MMP20: variants seen among roughly 807,000 people sequenced by gnomAD.
The protein encoded by MMP20 is matrix metalloproteinase-20.
Under a neutral mutation model 51.8 loss-of-function variants are expected in MMP20, and 50 were observed. The observed-to-expected ratio is 0.97, with a 90% CI of 0.77 to 1.22. The LOEUF is 1.22. MMP20 is among the 50% of genes most tolerant of loss of function. The probability of loss-of-function intolerance (pLI) is 0.00; values close to 1 mark genes in which losing one functional copy is unlikely to be tolerated. For missense variants in MMP20, 663 were observed against 601.4 expected (o/e 1.10, Z -1.07); for synonymous variants, 244 against 216.2 (o/e 1.13, Z -1.13).
intron 2 of MMP20, among the ~76,000 whole-genome samples, chr11:102,612,698 A>G (rs576441160): frequency 6.1e-4 from 92 of 150,454 alleles, no homozygotes; most frequent in African/African-American, 2.2e-3. Context: ...TTTTTCCCTC[A>G]GAATAATGCA....
chr11:102,606,605 G>C lies in MMP20; in HGVS notation c.883C>G (p.Leu295Val), dbSNP rs146876571. 2.3e-4 allele frequency: 379 copies of C among 1,614,110 alleles called. No homozygotes were observed. Among genetic ancestry groups the C allele is most frequent in the Admixed American group, 2.7e-4 (16 of 60,016 alleles). ...TCAAAGGATGAGCTGGAGTCACAGA[G>C]GTCAGGGATGGATGGCTTGTGATGG... The part of the protein sequence containing the change: ...APHHKPSIPD[L>V]CDSSSSFDAV... The change falls in exon 6 of 10, where the codon CTC becomes GTC. Residue 295 changes from leucine to valine, a missense_variant. Transcript: ENST00000260228.
chr11:102,620,713 G>A (rs1711407), intron 1 of MMP20, among the ~76,000 whole-genome samples: 112,812 of 152,002 alleles, frequency 0.74, 42,172 homozygotes, highest in East Asian at 0.92. Flanking sequence ...TACGCTCCAG[G>A]ACAGGGTGAA....
chr11:102,599,256 G>T (rs1468834004), intron 6 of MMP20, among the ~76,000 whole-genome samples: 2 of 152,106 alleles, frequency 1.3e-5, no homozygotes, highest in East Asian at 3.9e-4. Context: ...CTGACCTCAA[G>T]TGATCTGCCT....
intron 8 of MMP20, among the ~76,000 whole-genome samples, chr11:102,591,669 A>C (rs895304345): frequency 6.6e-6 from 1 of 152,320 alleles, no homozygotes; most frequent in South Asian, 2.1e-4. Context: ...CTTTTCGGTG[A>C]ATCTATTTAT....
intron 8 of MMP20, among the ~76,000 whole-genome samples, chr11:102,588,852 CT>C (rs1794816814): frequency 6.7e-6 from 1 of 149,520 alleles, no homozygotes. Context: ...AAAGATAACT[CT>C]AGTGGATATA....
intron 6 of MMP20, among the ~76,000 whole-genome samples, chr11:102,604,741 A>G (rs1261648726): frequency 1.3e-5 from 2 of 152,250 alleles, no homozygotes; most frequent in East Asian, 1.9e-4. Flanking sequence ...AAGTAATGAT[A>G]TATCTATTCA....
In MMP20 at chr11:102,583,318, A is replaced by G. The variant is rs1310054449; in HGVS notation, c.1248-4176T>C. The G allele has an allele frequency of 2.6e-5, 4 of 152,162 alleles. No individual in the cohort carries two copies. In the South Asian group the frequency reaches 6.2e-4, roughly 24 times the overall value. The allele number at this position is 152,162 out of a possible 1,614,324, so 9.4% of individuals were successfully genotyped here. The stretch of plus-strand genomic sequence containing the variant: ...AATAGTTCTCTCTCTTATTTAAACA[A>G]TTCAGTGGTTTTTTAGTGCACAGTC... On this transcript the variant is annotated intron_variant, in intron 8 of 9. Coordinates refer to ENST00000260228, the MANE Select transcript of MMP20 (RefSeq NM_004771.4).
chr11:102,594,473 AG>A, intron 7 of MMP20, 147 bp downstream of exon 7: 1 of 960,440 alleles, frequency 1.0e-6, no homozygotes, highest in Non-Finnish European at 1.6e-6. Context: ...TAACAAATGT[AG>A]GGTGGCATTT....
intron 2 of MMP20, among the ~76,000 whole-genome samples, chr11:102,615,066 T>A (rs921483349): frequency 6.8e-6 from 1 of 147,796 alleles, no homozygotes; most frequent in Non-Finnish European, 1.5e-5. Flanking sequence ...AATGTAATTA[T>A]TTAATATAAT....
At chr11:102,592,057 G>A (rs535184626) in intron 8 of MMP20, among the ~76,000 whole-genome samples, 65 of 152,254 alleles carry the variant, frequency 4.3e-4, no homozygotes, top group African/African-American at 6.3e-4. Context: ...TCCAACAGAC[G>A]TGCTTACACA....
intron 8 of MMP20, among the ~76,000 whole-genome samples, chr11:102,591,003 A>G (rs1859310771): frequency 6.6e-6 from 1 of 152,228 alleles, no homozygotes; most frequent in Admixed American, 6.5e-5. Flanking sequence ...CACATATGAG[A>G]AAAACAAACC....
At chr11:102,597,582 C>T (rs1452529466) in intron 6 of MMP20, among the ~76,000 whole-genome samples, 1 of 152,072 alleles carries the variant, frequency 6.6e-6, no homozygotes, top group Admixed American at 6.6e-5. Context: ...CCAGGGATGC[C>T]ACTAAACATC....
At chr11:102,606,756 G>C in intron 5 of MMP20, 80 bp from the exon 6 acceptor site, 1 of 1,528,784 alleles carries the variant, frequency 6.5e-7, no homozygotes, top group Non-Finnish European at 9.1e-7. Context: ...CCCAGGGGAG[G>C]TTGTACACTT....
intron 2 of MMP20, among the ~76,000 whole-genome samples, chr11:102,615,236 T>C (rs1227889885): frequency 6.8e-6 from 1 of 147,440 alleles, no homozygotes; most frequent in African/African-American, 2.5e-5. Flanking sequence ...AAAATATATT[T>C]TAATAATAAA....
At chr11:102,588,732 C>T (rs897160127) in intron 8 of MMP20, among the ~76,000 whole-genome samples, 15 of 152,196 alleles carry the variant, frequency 9.9e-5, no homozygotes, top group African/African-American at 3.6e-4. Flanking sequence ...AGCTCACTTG[C>T]TTTCAGCCTA....
At chr11:102,602,700 T>C (rs1859463230) in intron 6 of MMP20, among the ~76,000 whole-genome samples, 1 of 152,194 alleles carries the variant, frequency 6.6e-6, no homozygotes, top group African/African-American at 2.4e-5. Flanking sequence ...ATTTTCCTTA[T>C]CTCTACACTG....
intron 6 of MMP20, among the ~76,000 whole-genome samples, chr11:102,595,876 A>G (rs537853137): frequency 6.6e-6 from 1 of 152,372 alleles, no homozygotes; most frequent in African/African-American, 2.4e-5. Flanking sequence ...GGAGCCCAGA[A>G]TTACTTCACA....
chr11:102,612,356 T>C (rs904397782), intron 2 of MMP20, among the ~76,000 whole-genome samples: 4 of 152,122 alleles, frequency 2.6e-5, no homozygotes, highest in South Asian at 4.1e-4. Flanking sequence ...TCCCAGTTAC[T>C]TGGGAGGCTG....
At chr11:102,590,493 C>A (rs578211677) in intron 8 of MMP20, among the ~76,000 whole-genome samples, 3 of 152,192 alleles carry the variant, frequency 2.0e-5, no homozygotes, top group Non-Finnish European at 4.4e-5. Context: ...AACCTTCAAT[C>A]CTCTGTGGAG....
Sources: allele counts gnomAD v4.1 joint callset (sites outside exome capture counted in the v4.1 genomes callset), GRCh38; gene constraint gnomAD v4.1.1; transcripts MANE v1.5; gene names NCBI Gene and HGNC (gene_info 2026-07-23, HGNC 2026-07-21).